The following EML6 variants were observed in gnomAD, a reference collection of about 807,000 sequenced individuals.
EML6 encodes echinoderm microtubule-associated protein-like 6.
EML6 carries 154 observed loss-of-function variants against 240.1 expected under a neutral mutation model. The observed-to-expected ratio is 0.64, with a 90% CI of 0.56 to 0.73. EML6 has a LOEUF of 0.73. EML6 is among the 30% of genes least tolerant of loss of function. The pLI is 0.00. For synonymous variants in EML6, 1,148 were observed against 899.0 expected, an observed-to-expected ratio of 1.28 and a Z score of -4.95; for missense variants, 2,964 against 2,474.6, an observed-to-expected ratio of 1.20 and a Z score of -4.20.
chr2:54,820,122 C>G (rs115600811), intron 4 of EML6, among the ~76,000 whole-genome samples: 1 of 152,050 alleles, frequency 6.6e-6, no homozygotes, highest in African/African-American at 2.4e-5. Flanking sequence ...ATTTGTTTAT[C>G]TCAAATGGAC....
At chr2:54,910,218 A>G (rs1226958232) in intron 24 of EML6, among the ~76,000 whole-genome samples, 3 of 152,220 alleles carry the variant, frequency 2.0e-5, no homozygotes, top group Non-Finnish European at 4.4e-5. Context: ...ACTTTCCATA[A>G]TATTTAAAAA....
At chr2:54,926,944 C>T (rs899648212) in intron 26 of EML6, among the ~76,000 whole-genome samples, 10 of 152,160 alleles carry the variant, frequency 6.6e-5, no homozygotes, top group African/African-American at 2.2e-4. Flanking sequence ...TGCTCTTTTA[C>T]TTCTGTAAAG....
intron 7 of EML6, among the ~76,000 whole-genome samples, chr2:54,841,483 A>C (rs911387457): frequency 4.1e-4 from 62 of 152,094 alleles, no homozygotes; most frequent in Admixed American, 3.5e-3. Flanking sequence ...TCTCGGGACC[A>C]CAGTGAAGTG....
Position 54,928,616 on chromosome 2 carries a change from T to C in EML6, c.3878-9T>C, listed in dbSNP as rs1414178367. The C allele has an allele frequency of 6.4e-7, 1 of 1,552,114 alleles. No homozygotes were observed. The highest frequency in any genetic ancestry group is 1.2e-5 in the South Asian group (1 of 84,038). ...CAACTGGCTCCCCAATCTCTTTCTG[T>C]TGTTTGAGGCTATGACAGCGATGTT... On this transcript the variant is annotated splice_polypyrimidine_tract_variant and intron_variant, in intron 27 of 41. Transcript: ENST00000356458.
At chr2:54,763,474 A>T (rs1051892974) in intron 2 of EML6, among the ~76,000 whole-genome samples, 3 of 152,242 alleles carry the variant, frequency 2.0e-5, no homozygotes, top group Non-Finnish European at 2.9e-5. Flanking sequence ...AAAATAAGAT[A>T]TACTCAGAGA....
intron 5 of EML6, among the ~76,000 whole-genome samples, chr2:54,824,832 CTG>C (rs1668511054): frequency 6.6e-6 from 1 of 152,128 alleles, no homozygotes. Flanking sequence ...GCATTACAGT[CTG>C]TGGGTAGAGA....
chr2:54,835,986 G>T (rs1339930347), intron 7 of EML6, among the ~76,000 whole-genome samples: 2 of 152,140 alleles, frequency 1.3e-5, no homozygotes, highest in Non-Finnish European at 2.9e-5. Context: ...CAGTCCCGCG[G>T]GCGGCTCCAT....
At position 54,813,237 on chromosome 2, in the gene EML6, C is replaced by A; in HGVS notation, c.203C>A (p.Ala68Asp). ...LGHNDDIISL[A>D]LHPDKTLVAT... ...AGAAACCTTTTCTCTTTCAGCCTTG[C>A]CTTACACCCAGACAAAACTCTCGTT... Residue 68 changes from alanine (A) to aspartate (D), a missense_variant, in exon 3 of 42, where the codon GCC becomes GAC. Transcript: ENST00000356458. 12 of 1,548,738 alleles carry A rather than the reference C, an allele frequency of 7.7e-6. No individual in the cohort carries two copies. Among genetic ancestry groups the A allele is most frequent in the Non-Finnish European group, 1.0e-5 (12 of 1,145,358 alleles).
At chr2:54,895,603 C>A (rs1382324120) in intron 21 of EML6, among the ~76,000 whole-genome samples, 1 of 152,246 alleles carries the variant, frequency 6.6e-6, no homozygotes, top group Non-Finnish European at 1.5e-5. Context: ...CTCACAGTGT[C>A]TGTGGATCAG....
rs1159428945 is a variant in EML6 at position 54,950,744 on chromosome 2, C to T, written c.4178C>T (p.Thr1393Ile). The T allele has an allele frequency of 2.6e-6, 4 of 1,551,694 alleles. No individual in the cohort carries two copies. Among genetic ancestry groups the T allele is most frequent in the Non-Finnish European group, 3.5e-6 (4 of 1,146,994 alleles). Residue 1393 changes from threonine (T) to isoleucine (I), a missense_variant, in exon 30 of 42, where the codon ACA (threonine) becomes ATA (isoleucine). Coordinates refer to ENST00000356458, the MANE Select transcript of EML6 (RefSeq NM_001039753.4). ...LNDGADIIFH[T>I]AAAGIVQNLS... ...GATGGCGCTGACATCATCTTCCACA[C>T]AGCAGCGGCTGGCATCGTTCAGAAC...
In EML6 at chr2:54,964,658, C is replaced by G; in HGVS notation, c.5418C>G (p.Asn1806Lys). 3 of 1,552,366 alleles carry G rather than the reference C, an allele frequency of 1.9e-6. No homozygotes were observed. The highest frequency in any genetic ancestry group is 2.6e-6 in the Non-Finnish European group (3 of 1,147,108). ...ACCTCACTCAGGGCACAAATCTGAA[C>G]CGCATTGGCTACTGCAAAGATATCC... Reference protein sequence around the residue: ...FYDLTQGTNLNRIGYCKDIPS... With the variant: ...FYDLTQGTNLKRIGYCKDIPS... Residue 1806 changes from asparagine (N) to lysine (K), a missense_variant, in exon 38 of 42, where the codon AAC (asparagine) becomes AAG (lysine). By Grantham distance (94) the Asn-to-Lys change is moderately conservative. Coordinates refer to ENST00000356458, the MANE Select transcript of EML6 (RefSeq NM_001039753.4).
Position 54,797,168 on chromosome 2 carries a change from A to AAAAAAAAAAAAAAAAAAAAAAC in EML6, c.198-16063_198-16042dup, listed in dbSNP as rs1558556897. The stretch of plus-strand genomic sequence containing the variant: ...TGACAGAGCAAGACTCCATCTCAAA[A>AAAAAAAAAAAAAAAAAAAAAAC]AAAAAAAAAAAAAAAAAAAAACTGT... On this transcript the variant is annotated intron_variant, in intron 2 of 41. Transcript: ENST00000356458. 6.2e-3 allele frequency among the ~76,000 whole-genome samples: 781 copies of AAAAAAAAAAAAAAAAAAAAAAC among 125,452 alleles called. 30 individuals carry two copies. Among genetic ancestry groups the AAAAAAAAAAAAAAAAAAAAAAC allele is most frequent in the Non-Finnish European group, 0.011 (619 of 55,120 alleles). 82.3% of individuals were successfully genotyped at this position (125,452 alleles called of 152,430 possible). A position where few individuals can be genotyped will look rare whatever the true frequency, so the allele number is the denominator to read the frequency against.
intron 7 of EML6, 88 bp from the exon 8 acceptor site, chr2:54,843,959 G>C (rs1378544368): frequency 3.5e-6 from 2 of 578,300 alleles, no homozygotes. Flanking sequence ...ATTTACTTTA[G>C]GGTTTTGTGT....
At chr2:54,860,329 A>G (rs1670609474) in intron 12 of EML6, among the ~76,000 whole-genome samples, 2 of 152,266 alleles carry the variant, frequency 1.3e-5, no homozygotes, top group South Asian at 2.1e-4. Flanking sequence ...CCTCGGTTTG[A>G]TACAAGTGCT....
intron 7 of EML6, among the ~76,000 whole-genome samples, chr2:54,841,889 T>C (rs1669478783): frequency 1.3e-5 from 2 of 151,606 alleles, no homozygotes; most frequent in African/African-American, 4.8e-5. Flanking sequence ...CACCGTGCCT[T>C]GCCATTTTTT....
chr2:54,826,877 A>AAAT (rs1668623891), intron 5 of EML6, among the ~76,000 whole-genome samples: 1 of 152,214 alleles, frequency 6.6e-6, no homozygotes, highest in Admixed American at 6.5e-5. Flanking sequence ...TGTACACTAA[A>AAAT]AATACCTAGA....
chr2:54,826,672 T>C (rs1395498851), intron 5 of EML6, among the ~76,000 whole-genome samples: 1 of 152,216 alleles, frequency 6.6e-6, no homozygotes, highest in Non-Finnish European at 1.5e-5. Context: ...GTGTCCTTAC[T>C]GCCTTGTATA....
intron 2 of EML6, among the ~76,000 whole-genome samples, chr2:54,789,501 G>A (rs1365799317): frequency 1.8e-4 from 21 of 114,498 alleles, no homozygotes; most frequent in African/African-American, 5.9e-4. Flanking sequence ...GCCACAGAGC[G>A]AGACTTCGTC....
intron 7 of EML6, among the ~76,000 whole-genome samples, chr2:54,835,097 T>A (rs935154384): frequency 6.6e-6 from 1 of 152,142 alleles, no homozygotes; most frequent in Non-Finnish European, 1.5e-5. Context: ...CATGACTACT[T>A]CCCTCCTCTC....
Sources: allele counts gnomAD v4.1 joint callset (sites outside exome capture counted in the v4.1 genomes callset), GRCh38; gene constraint gnomAD v4.1.1; transcripts MANE v1.5; gene names NCBI Gene and HGNC (gene_info 2026-07-23, HGNC 2026-07-21).